Variants in NDST3 observed in about 807,000 individuals in gnomAD.
NDST3 encodes the protein bifunctional heparan sulfate N-deacetylase/N-sulfotransferase 3.
Under a neutral mutation model 96.1 loss-of-function variants are expected in NDST3, and 58 were observed. The observed-to-expected ratio is 0.60, with a 90% CI of 0.49 to 0.75. The LOEUF (loss-of-function observed/expected upper bound fraction) is 0.75. NDST3 is among the 30% of genes least tolerant of loss of function. The pLI, the probability that NDST3 is intolerant of heterozygous loss-of-function variation, is 0.00. For synonymous variants in NDST3, 333 were observed against 359.7 expected (o/e 0.93, Z 0.84); for missense variants, 788 against 1,034.2 (o/e 0.76, Z 3.27).
chr4:118,199,977 G>A (rs1403342373), intron 6 of NDST3, among the ~76,000 whole-genome samples: 1 of 152,200 alleles, frequency 6.6e-6, no homozygotes, highest in African/African-American at 2.4e-5. Context: ...CCCTAGAACT[G>A]TGCTGGGTCA....
Position 118,114,815 on chromosome 4 carries a change from A to G in NDST3, c.1079A>G (p.Glu360Gly). The change falls in exon 4 of 14, where the codon GAG (glutamate) becomes GGG (glycine). Residue 360 changes from glutamate to glycine, a missense_variant. Transcript: ENST00000296499. Reference sequence around the variant, plus strand: ...ATTTCCCCCCCTAAAGGAACTGAAGAGGAAGATGAAGGAGATGACTGTCTG... The same window carrying G: ...ATTTCCCCCCCTAAAGGAACTGAAGGGGAAGATGAAGGAGATGACTGTCTG... ...SGKFYHTGTE[E>G]EDEGDDCLLG... The G allele has an allele frequency of 6.2e-7, 1 of 1,613,904 alleles. No homozygotes were observed. Among genetic ancestry groups the G allele is most frequent in the South Asian group, 1.1e-5 (1 of 91,066 alleles).
intron 1 of NDST3, among the ~76,000 whole-genome samples, chr4:118,052,087 T>C (rs1725111939): frequency 6.6e-6 from 1 of 152,144 alleles, no homozygotes. Flanking sequence ...TACACTTGTA[T>C]GTTTATCCCA....
At chr4:118,069,971 A>T (rs368106580) in intron 2 of NDST3, among the ~76,000 whole-genome samples, 25 of 152,242 alleles carry the variant, frequency 1.6e-4, no homozygotes, top group Admixed American at 1.2e-3. Flanking sequence ...GAAGGCTGAT[A>T]CAACCTCTTT....
At chr4:118,131,461 T>C (rs1732608776) in intron 4 of NDST3, among the ~76,000 whole-genome samples, 1 of 152,106 alleles carries the variant, frequency 6.6e-6, no homozygotes, top group Non-Finnish European at 1.5e-5. Context: ...TTTCAATCTC[T>C]TTGTAAAATT....
chr4:118,204,820 A>T (rs1051781892), intron 6 of NDST3, among the ~76,000 whole-genome samples: 1 of 144,664 alleles, frequency 6.9e-6, no homozygotes, highest in African/African-American at 2.6e-5. Context: ...ATATTTAAAG[A>T]TAAAAACAAT....
At chr4:118,046,484 TG>T (rs1724767853) in intron 1 of NDST3, among the ~76,000 whole-genome samples, 1 of 152,190 alleles carries the variant, frequency 6.6e-6, no homozygotes. Context: ...AACTGGATCA[TG>T]TCTGTTCTGC....
intron 2 of NDST3, among the ~76,000 whole-genome samples, chr4:118,079,456 G>T (rs1019472623): frequency 6.6e-6 from 1 of 152,148 alleles, no homozygotes; most frequent in Non-Finnish European, 1.5e-5. Context: ...TAAGGTAAGA[G>T]AGTTCTATGC....
At chr4:118,240,950 A>C (rs75239004) in intron 11 of NDST3, among the ~76,000 whole-genome samples, 5,944 of 152,286 alleles carry the variant, frequency 0.039, 176 homozygotes, top group African/African-American at 0.085. Context: ...AGCTTTAGAT[A>C]CGATTCTTAT....
intron 12 of NDST3, among the ~76,000 whole-genome samples, chr4:118,243,716 G>A (rs913131650): frequency 6.6e-6 from 1 of 152,088 alleles, no homozygotes; most frequent in Non-Finnish European, 1.5e-5. Context: ...AGAGTATGTA[G>A]CAAAGCATTG....
intron 8 of NDST3, 22 bp from the exon 9 acceptor site, chr4:118,232,990 T>A (rs745327103): frequency 1.4e-5 from 22 of 1,599,694 alleles, no homozygotes; most frequent in East Asian, 2.2e-5. Context: ...AATTAATTTC[T>A]GAACCTCTAT....
intron 2 of NDST3, among the ~76,000 whole-genome samples, chr4:118,079,479 C>T (rs772447354): frequency 1.3e-5 from 2 of 152,048 alleles, no homozygotes; most frequent in Non-Finnish European, 2.9e-5. Context: ...AAGAAACAGG[C>T]CCTATTATGA....
intron 2 of NDST3, among the ~76,000 whole-genome samples, chr4:118,083,394 A>C (rs2125820669): frequency 6.6e-6 from 1 of 152,318 alleles, no homozygotes; most frequent in Middle Eastern, 3.4e-3. Flanking sequence ...TCGATTTATT[A>C]TTGAGTAGAT....
intron 6 of NDST3, among the ~76,000 whole-genome samples, chr4:118,145,250 A>G (rs969331763): frequency 3.9e-5 from 6 of 152,236 alleles, no homozygotes; most frequent in Non-Finnish European, 8.8e-5. Flanking sequence ...GAACTGAAGA[A>G]GCAGTTAAAA....
chr4:118,090,602 T>C (rs1728785134), intron 2 of NDST3, among the ~76,000 whole-genome samples: 1 of 152,048 alleles, frequency 6.6e-6, no homozygotes, highest in Non-Finnish European at 1.5e-5. Context: ...AACAAATAAA[T>C]ACAAAACATG....
chr4:118,055,071 C>A, intron 2 of NDST3, 180 bp downstream of exon 2: 2 of 757,206 alleles, frequency 2.6e-6, no homozygotes, highest in Non-Finnish European at 4.3e-6. Flanking sequence ...CTATCTGAAT[C>A]AAGAAAAATA....
chr4:118,181,667 T>C (rs1484164321), intron 6 of NDST3, among the ~76,000 whole-genome samples: 1 of 152,156 alleles, frequency 6.6e-6, no homozygotes, highest in East Asian at 1.9e-4. Flanking sequence ...TTATCAGATT[T>C]CGGCTGGGAC....
chr4:118,234,437 T>C (rs746624896), intron 9 of NDST3, among the ~76,000 whole-genome samples: 4 of 151,806 alleles, frequency 2.6e-5, no homozygotes, highest in Non-Finnish European at 5.9e-5. Context: ...AAAGAAACCA[T>C]CGACTACTTC....
intron 2 of NDST3, among the ~76,000 whole-genome samples, chr4:118,079,534 G>T (rs148847462): frequency 2.0e-5 from 3 of 152,192 alleles, no homozygotes; most frequent in African/African-American, 7.2e-5. Flanking sequence ...GTCAGTGTGC[G>T]TGGAGCACAG....
chr4:118,124,475 G>A (rs1182844733), intron 4 of NDST3, among the ~76,000 whole-genome samples: 1 of 151,954 alleles, frequency 6.6e-6, no homozygotes, highest in Non-Finnish European at 1.5e-5. Context: ...ACCCTTACTT[G>A]GCAAATGAGG....
Sources: gnomAD v4.1 joint callset for allele counts (sites outside exome capture counted in the v4.1 genomes callset) on GRCh38, gnomAD v4.1.1 for gene constraint, MANE v1.5 for transcripts, NCBI Gene and HGNC (gene_info 2026-07-23, HGNC 2026-07-21) for gene names.